The following TANC1 variants were observed in gnomAD, a reference collection of about 807,000 sequenced individuals.
TANC1 encodes the protein tetratricopeptide repeat, ankyrin repeat and coiled-coil containing 1.
In TANC1, 77 loss-of-function variants were observed where a neutral mutation model predicts 149.7. The ratio of observed to expected loss-of-function variants is 0.51; its 90% confidence interval spans 0.43 to 0.62. The LOEUF (loss-of-function observed/expected upper bound fraction) is 0.62. Among genes scored for constraint, TANC1 ranks in the 20% least tolerant of loss-of-function variants. The probability of loss-of-function intolerance (pLI) is 0.00; values close to 1 mark genes in which losing one functional copy is unlikely to be tolerated. For missense variants in TANC1, 1,985 were observed against 2,321.8 expected (o/e 0.85, Z 2.98); for synonymous variants, 854 against 925.0 (o/e 0.92, Z 1.39).
At position 159,093,888 on chromosome 2, in the gene TANC1, T is replaced by C. The variant is rs562039884; in HGVS notation, c.62-3749T>C. 1.8e-3 allele frequency among the ~76,000 whole-genome samples: 270 copies of C among 152,314 alleles called. 5 individuals carry two copies. The highest frequency in any genetic ancestry group is 6.8e-3 in the Middle Eastern group (2 of 294). On this transcript the variant is annotated intron_variant, in intron 3 of 26. Coordinates refer to ENST00000263635, the MANE Select transcript of TANC1 (RefSeq NM_033394.3). ...ACCACATTTGCAATTAATGAAAATA[T>C]TTGCTTTGCTTGTTATAAACAAAGT...
At chr2:159,043,147 A>G (rs898595395) in intron 2 of TANC1, among the ~76,000 whole-genome samples, 8 of 152,186 alleles carry the variant, frequency 5.3e-5, no homozygotes, top group African/African-American at 1.7e-4. Context: ...GCTTGACAGT[A>G]TGTCCATGTG....
chr2:159,142,819 T>C (rs1439455397), intron 5 of TANC1, among the ~76,000 whole-genome samples: 1 of 150,018 alleles, frequency 6.7e-6, no homozygotes, highest in Non-Finnish European at 1.5e-5. Flanking sequence ...ATCCTAGCAA[T>C]TTGGGAGGCC....
At chr2:159,187,954 A>T in intron 16 of TANC1, among the ~76,000 whole-genome samples, 1 of 152,256 alleles carries the variant, frequency 6.6e-6, no homozygotes. Context: ...TTAAGACAGT[A>T]AATTTAAAGG....
intron 23 of TANC1, 90 bp from the exon 24 acceptor site, chr2:159,225,598 G>T (rs2059976111): frequency 4.1e-6 from 4 of 978,288 alleles, no homozygotes; most frequent in African/African-American, 1.6e-5. Flanking sequence ...GCTCCTGCTG[G>T]TGCTGACCTC....
At chr2:159,027,512 C>A (rs1370999268) in intron 2 of TANC1, among the ~76,000 whole-genome samples, 1 of 152,164 alleles carries the variant, frequency 6.6e-6, no homozygotes, top group African/African-American at 2.4e-5. Context: ...ACATTTTGGC[C>A]ACCACCACTT....
At chr2:159,093,200 C>G (rs556334048) in intron 3 of TANC1, among the ~76,000 whole-genome samples, 1 of 152,306 alleles carries the variant, frequency 6.6e-6, no homozygotes, top group South Asian at 2.1e-4. Context: ...CCTGCAGTAA[C>G]AGGAAGGGTG....
intron 15 of TANC1, among the ~76,000 whole-genome samples, 173 bp downstream of exon 15, chr2:159,186,072 T>C (rs2056946895): frequency 6.6e-6 from 1 of 152,240 alleles, no homozygotes; most frequent in Admixed American, 6.5e-5. Context: ...TGACTCAGCC[T>C]GGGCATTTCC....
At chr2:158,969,221 CGGGGGAGGCG>C (rs879894616) in intron 1 of TANC1, among the ~76,000 whole-genome samples, 10 of 152,110 alleles carry the variant, frequency 6.6e-5, no homozygotes. Context: ...GTACCTGGCG[CGGGGGAGGCG>C]GGGGGAGGCG....
intron 3 of TANC1, among the ~76,000 whole-genome samples, chr2:159,075,483 G>A (rs906981559): frequency 2.0e-5 from 3 of 152,046 alleles, no homozygotes; most frequent in South Asian, 2.1e-4. Context: ...GGCTGATGTG[G>A]GAGGATTGCT....
At chr2:159,082,271 G>A (rs755385745) in intron 3 of TANC1, among the ~76,000 whole-genome samples, 4 of 152,058 alleles carry the variant, frequency 2.6e-5, no homozygotes, top group African/African-American at 7.2e-5. Context: ...CTGGTGTAGC[G>A]GGCAGCTGCC....
At chr2:159,168,299 A>ATT (rs35670582) in intron 8 of TANC1, among the ~76,000 whole-genome samples, 6,175 of 130,344 alleles carry the variant, frequency 0.047, 505 homozygotes, top group African/African-American at 0.15. Flanking sequence ...TAGATCTTTA[A>ATT]TTTTTTTTTT....
At chr2:158,974,498 A>G (rs1206914970) in intron 1 of TANC1, among the ~76,000 whole-genome samples, 1 of 152,186 alleles carries the variant, frequency 6.6e-6, no homozygotes, top group Admixed American at 6.5e-5. Flanking sequence ...CAGTGGTACA[A>G]TCTCAGCTAC....
At chr2:159,008,710 A>G (rs1166568804) in intron 2 of TANC1, among the ~76,000 whole-genome samples, 1 of 152,174 alleles carries the variant, frequency 6.6e-6, no homozygotes, top group Non-Finnish European at 1.5e-5. Context: ...ATATCAAATA[A>G]TTTCATGTTT....
Position 159,229,563 on chromosome 2 carries a change from C to A in TANC1, c.4152-15C>A. 6.3e-7 allele frequency: 1 copy of A among 1,597,824 alleles called. No individual in the cohort carries two copies. The highest frequency in any genetic ancestry group is 8.6e-7 in the Non-Finnish European group (1 of 1,169,340). ...GTGTGTGGTTTGTAATGTTACCTTA[C>A]ATTTTCCTACAAAGGCAATTCGTGG... is the stretch of plus-strand genomic sequence containing the variant. On this transcript the variant is annotated splice_polypyrimidine_tract_variant and intron_variant, in intron 26 of 26. Coordinates refer to ENST00000263635, the MANE Select transcript of TANC1 (RefSeq NM_033394.3).
At chr2:159,203,659 C>A (rs1247965350) in intron 19 of TANC1, among the ~76,000 whole-genome samples, 1 of 152,168 alleles carries the variant, frequency 6.6e-6, no homozygotes, top group East Asian at 1.9e-4. Flanking sequence ...TCTGCCTCCC[C>A]ACACTCAGGT....
intron 16 of TANC1, among the ~76,000 whole-genome samples, chr2:159,193,916 A>G (rs968315092): frequency 2.0e-5 from 3 of 152,086 alleles, no homozygotes; most frequent in South Asian, 4.2e-4. Flanking sequence ...GGCTGTTCAC[A>G]GGCATGATCA....
intron 12 of TANC1, 30 bp from the exon 13 acceptor site, chr2:159,176,322 T>G (rs2055855713): frequency 3.0e-6 from 4 of 1,342,678 alleles, no homozygotes; most frequent in Admixed American, 2.6e-5. Context: ...GTATAATTTC[T>G]TAATTTGAAA....
intron 2 of TANC1, among the ~76,000 whole-genome samples, chr2:159,031,552 T>TC (rs1559151123): frequency 1.3e-5 from 2 of 152,210 alleles, no homozygotes; most frequent in Non-Finnish European, 2.9e-5. Context: ...CCTCAATTTT[T>TC]CCCAAGTGTA....
At chr2:159,116,441 A>G (rs113353612) in intron 4 of TANC1, among the ~76,000 whole-genome samples, 6 of 107,486 alleles carry the variant, frequency 5.6e-5, no homozygotes, top group Non-Finnish European at 7.0e-5. Flanking sequence ...AACAACAACA[A>G]CAACAACAAC....
Sources: gnomAD v4.1 joint callset for allele counts (sites outside exome capture counted in the v4.1 genomes callset) on GRCh38, gnomAD v4.1.1 for gene constraint, MANE v1.5 for transcripts, NCBI Gene and HGNC (gene_info 2026-07-23, HGNC 2026-07-21) for gene names.